The following CCDC171 variants were observed in gnomAD, a reference collection of about 807,000 sequenced individuals.
CCDC171 encodes coiled-coil domain containing 171.
Under a neutral mutation model 168.2 loss-of-function variants are expected in CCDC171, and 177 were observed. The observed-to-expected ratio is 1.05, with a 90% confidence interval of 0.93 to 1.19. CCDC171 has a LOEUF of 1.19. Ranked by LOEUF, CCDC171 falls within the 50% of genes most tolerant of loss-of-function variation. The pLI is 0.00. For missense variants in CCDC171, 1,991 were observed against 1,539.0 expected (o/e 1.29, Z -4.91); for synonymous variants, 687 against 540.8 (o/e 1.27, Z -3.75).
At chr9:15,850,007 C>G (rs972982810) in intron 23 of CCDC171, among the ~76,000 whole-genome samples, 1 of 151,642 alleles carries the variant, frequency 6.6e-6, no homozygotes, top group Non-Finnish European at 1.5e-5. Context: ...TATTTCTCCC[C>G]CTTCCCATTT....
chr9:15,835,685 C>T (rs1376863691), intron 21 of CCDC171, among the ~76,000 whole-genome samples: 1 of 152,164 alleles, frequency 6.6e-6, no homozygotes, highest in Non-Finnish European at 1.5e-5. Flanking sequence ...CCTTGGCCTC[C>T]CAAGGTGCTG....
chr9:15,678,679 G>T, intron 9 of CCDC171, 79 bp from the exon 10 acceptor site: 1 of 1,170,862 alleles, frequency 8.5e-7, no homozygotes, highest in East Asian at 2.5e-5. Context: ...TAGTACATCT[G>T]CCATATGTAT....
At chr9:16,018,706 C>A (rs528197738) in intron 3 of CCDC171, among the ~76,000 whole-genome samples, 1 of 152,194 alleles carries the variant, frequency 6.6e-6, no homozygotes, top group African/African-American at 2.4e-5. Flanking sequence ...AACACAGTGG[C>A]CCTGTCAATT....
the CCDC171 span, among the ~76,000 whole-genome samples, chr9:16,074,176 C>A: frequency 1.3e-5 from 2 of 152,180 alleles, no homozygotes; most frequent in South Asian, 4.1e-4. Context: ...CAATTACATT[C>A]TTTGGCCCTT....
At chr9:15,610,091 A>G (rs2043538180) in intron 6 of CCDC171, among the ~76,000 whole-genome samples, 2 of 151,892 alleles carry the variant, frequency 1.3e-5, no homozygotes, top group Admixed American at 6.6e-5. Flanking sequence ...TTATTTGATG[A>G]TACCTTTCTT....
intron 12 of CCDC171, among the ~76,000 whole-genome samples, chr9:15,723,132 A>C (rs1196023562): frequency 6.6e-6 from 1 of 152,216 alleles, no homozygotes; most frequent in Non-Finnish European, 1.5e-5. Flanking sequence ...TCTGACAGAA[A>C]GAAGAATGAA....
intron 10 of CCDC171, among the ~76,000 whole-genome samples, chr9:15,683,713 A>G (rs1364990208): frequency 2.6e-5 from 4 of 152,124 alleles, no homozygotes; most frequent in South Asian, 4.1e-4. Flanking sequence ...ATTTATTTCT[A>G]TGCAAATTAG....
At chr9:15,653,642 G>T (rs1290369923) in intron 7 of CCDC171, among the ~76,000 whole-genome samples, 1 of 151,976 alleles carries the variant, frequency 6.6e-6, no homozygotes, top group Non-Finnish European at 1.5e-5. Context: ...CTTATTTTAT[G>T]AACACTAACC....
the CCDC171 span, among the ~76,000 whole-genome samples, chr9:16,098,417 G>A: frequency 6.6e-6 from 1 of 152,302 alleles, no homozygotes; most frequent in African/African-American, 2.4e-5. Context: ...AATAAGAGCT[G>A]CTATTTAGAA....
intron 24 of CCDC171, chr9:15,886,223 A>G (rs1309355645): frequency 6.6e-6 from 1 of 152,194 alleles, no homozygotes; most frequent in Non-Finnish European, 1.5e-5. Flanking sequence ...AACTATTTAT[A>G]AACTGTATAT....
chr9:15,809,561 A>G (rs2059238250), intron 21 of CCDC171, among the ~76,000 whole-genome samples: 1 of 151,900 alleles, frequency 6.6e-6, no homozygotes, highest in Admixed American at 6.6e-5. Context: ...TCAGGAGTGG[A>G]GCTGCAGACT....
chr9:15,970,282 G>C (rs1831217642), intron 25 of CCDC171, among the ~76,000 whole-genome samples: 1 of 152,058 alleles, frequency 6.6e-6, no homozygotes, highest in South Asian at 2.1e-4. Flanking sequence ...CCAGTGATAA[G>C]CTTCCCTCTT....
At chr9:15,654,515 C>G (rs2047769233) in intron 7 of CCDC171, among the ~76,000 whole-genome samples, 1 of 152,210 alleles carries the variant, frequency 6.6e-6, no homozygotes. Context: ...TATTCACAGA[C>G]TGCTTGATTA....
intron 4 of CCDC171, among the ~76,000 whole-genome samples, chr9:15,580,126 A>G (rs1017722173): frequency 3.3e-5 from 5 of 152,262 alleles, no homozygotes; most frequent in Admixed American, 1.3e-4. Flanking sequence ...GGGAAAGGAC[A>G]CCCTATTCAC....
chr9:16,096,529 C>T, the CCDC171 span, among the ~76,000 whole-genome samples: 2 of 152,306 alleles, frequency 1.3e-5, no homozygotes, highest in Non-Finnish European at 2.9e-5. Context: ...CTTGCTTTAT[C>T]CTGCCGTGTG....
At chr9:15,771,841 G>C (rs1415275417) in intron 18 of CCDC171, among the ~76,000 whole-genome samples, 1 of 151,954 alleles carries the variant, frequency 6.6e-6, no homozygotes, top group East Asian at 1.9e-4. Flanking sequence ...AGCTTTTTTG[G>C]GGGGACGGGC....
At chr9:15,919,695 A>G (rs945093554) in intron 24 of CCDC171, among the ~76,000 whole-genome samples, 4 of 151,560 alleles carry the variant, frequency 2.6e-5, no homozygotes, top group African/African-American at 9.7e-5. Context: ...GAACTTGCTT[A>G]TGTTAATTGT....
At chr9:15,926,838 A>G (rs1825949448) in intron 25 of CCDC171, among the ~76,000 whole-genome samples, 1 of 151,674 alleles carries the variant, frequency 6.6e-6, no homozygotes, top group Admixed American at 6.6e-5. Flanking sequence ...TAATTTTAAG[A>G]AATATGTTAA....
At chr9:15,894,156 C>T (rs1156741438) in intron 24 of CCDC171, among the ~76,000 whole-genome samples, 1 of 152,122 alleles carries the variant, frequency 6.6e-6, no homozygotes, top group Non-Finnish European at 1.5e-5. Context: ...AGCCATTATC[C>T]TTAACAAACT....
Sources: allele counts gnomAD v4.1 joint callset (sites outside exome capture counted in the v4.1 genomes callset), GRCh38; gene constraint gnomAD v4.1.1; transcripts MANE v1.5; gene names NCBI Gene and HGNC (gene_info 2026-07-23, HGNC 2026-07-21).